FAM118B: variants seen among roughly 807,000 people sequenced by gnomAD.
FAM118B encodes the protein protein FAM118B.
Under a neutral mutation model 38.5 loss-of-function variants are expected in FAM118B, and 24 were observed. The observed-to-expected ratio is 0.62, with a 90% CI of 0.45 to 0.88. The LOEUF is 0.88. FAM118B is among the 40% of genes least tolerant of loss of function. The pLI is 0.00. For missense variants in FAM118B, 334 were observed against 420.0 expected, an observed-to-expected ratio of 0.80 and a Z score of 1.79; for synonymous variants, 138 against 156.3, an observed-to-expected ratio of 0.88 and a Z score of 0.87.
At chr11:126,230,240 C>T (rs1200224709) in intron 2 of FAM118B, among the ~76,000 whole-genome samples, 2 of 152,182 alleles carry the variant, frequency 1.3e-5, no homozygotes, top group Non-Finnish European at 2.9e-5. Flanking sequence ...ACTACCCAAG[C>T]AAAGTCTTTA....
At chr11:126,213,172 G>A (rs767486405) in intron 1 of FAM118B, among the ~76,000 whole-genome samples, 1 of 152,054 alleles carries the variant, frequency 6.6e-6, no homozygotes, top group Non-Finnish European at 1.5e-5. Flanking sequence ...TAGTAAACTC[G>A]ATATCTGTTA....
At chr11:126,227,563 T>C (rs1194692209) in intron 1 of FAM118B, among the ~76,000 whole-genome samples, 1 of 152,238 alleles carries the variant, frequency 6.6e-6, no homozygotes, top group Non-Finnish European at 1.5e-5. Flanking sequence ...TTGTACCTCT[T>C]CATGTTGTAA....
intron 4 of FAM118B, among the ~76,000 whole-genome samples, chr11:126,248,253 G>T (rs1284669841): frequency 4.0e-5 from 6 of 150,486 alleles, no homozygotes; most frequent in Non-Finnish European, 7.4e-5. Context: ...ACATGTGACT[G>T]CTAGATCATA....
chr11:126,249,674 G>C (rs186338505), intron 4 of FAM118B, among the ~76,000 whole-genome samples: 7 of 142,752 alleles, frequency 4.9e-5, no homozygotes, highest in South Asian at 2.4e-4. Flanking sequence ...GGAGGTTGCA[G>C]TGAGCCGAGA....
chr11:126,219,835 C>G (rs998890816), intron 1 of FAM118B, among the ~76,000 whole-genome samples: 2 of 137,926 alleles, frequency 1.5e-5, no homozygotes, highest in Non-Finnish European at 3.1e-5. Context: ...ACATGCACTA[C>G]TGTACTTATT....
In FAM118B at chr11:126,235,029, G is replaced by A. The variant is rs1387395531; in HGVS notation, c.28G>A (p.Asp10Asn). The A allele has an allele frequency of 1.2e-6, 2 of 1,614,100 alleles. No individual in the cohort carries two copies. The highest frequency in any genetic ancestry group is 3.3e-5 in the Admixed American group (2 of 60,016). ...GGCTTCTACAGGGAGCCAGGCCTCT[G>A]ATATAGACGAGATTTTTGGATTCTT... MASTGSQAS[D>N]IDEIFGFFND... Residue 10 changes from aspartate to asparagine, a missense_variant, in exon 3 of 9, where the codon GAT (aspartate) becomes AAT (asparagine). Coordinates refer to ENST00000533050, the MANE Select transcript of FAM118B (RefSeq NM_024556.4).
chr11:126,240,807 C>A lies in FAM118B; in HGVS notation c.102C>A (p.Ser34Arg), dbSNP rs1437077011. 1 of 1,605,308 alleles carries A rather than the reference C, an allele frequency of 6.2e-7. No individual in the cohort carries two copies. The highest frequency in any genetic ancestry group is 1.1e-5 in the South Asian group (1 of 90,078). The change falls in exon 4 of 9, where the codon AGC (serine) becomes AGA (arginine). Residue 34 changes from serine to arginine, a missense_variant. Ser to Arg is a moderately radical substitution (Grantham distance 110). This residue lies in a region of FAM118B where 240 missense variants were observed against 295.9 expected (regional missense o/e 0.81). Coordinates refer to ENST00000533050, the MANE Select transcript of FAM118B (RefSeq NM_024556.4). ...PTKKPRKLLPSLKTKKPRELV... is the reference protein window; with the variant it reads ...PTKKPRKLLPRLKTKKPRELV... The stretch of plus-strand genomic sequence containing the variant: ...GCTTTTATAGGAAGCTGCTTCCAAG[C>A]TTAAAAACTAAGAAGCCTCGAGAAC...
chr11:126,250,038 C>T lies in FAM118B; in HGVS notation c.340-468C>T, dbSNP rs902648651. On this transcript the variant is annotated intron_variant, in intron 4 of 8. Coordinates refer to ENST00000533050, the MANE Select transcript of FAM118B (RefSeq NM_024556.4). This position sits in a 1 kb window ranked among gnomAD's most constrained non-coding sequence, Gnocchi z 5.1. ...ATTGTGCTAAGCACTTGGCATGTAT[C>T]ATCTCATCTTCCTTATTACGTTCGT... Among the ~76,000 whole-genome samples, 1 of 151,852 alleles carries T rather than the reference C, an allele frequency of 6.6e-6. No individual in the cohort carries two copies. Among genetic ancestry groups the T allele is most frequent in the Non-Finnish European group, 1.5e-5 (1 of 67,996 alleles).
intron 4 of FAM118B, among the ~76,000 whole-genome samples, chr11:126,249,689 G>A (rs1020679966): frequency 3.9e-5 from 5 of 128,532 alleles, no homozygotes; most frequent in Admixed American, 2.1e-4. Flanking sequence ...CCGAGATCAC[G>A]CCACTGCACT....
chr11:126,256,992 T>C lies in FAM118B; in HGVS notation c.982+140T>C, dbSNP rs545847719. 1.9e-5 allele frequency: 16 copies of C among 852,254 alleles called. No homozygotes were observed. The African/African-American group carries it at 2.7e-4, about 14-fold the overall frequency. 52.8% of individuals were successfully genotyped at this position (852,254 alleles called of 1,614,324 possible). A position where few individuals can be genotyped will look rare whatever the true frequency, so the allele number is the denominator to read the frequency against. On this transcript the variant is annotated intron_variant, in intron 7 of 8. Coordinates refer to ENST00000533050, the MANE Select transcript of FAM118B (RefSeq NM_024556.4). This position sits in a 1 kb window ranked among gnomAD's most constrained non-coding sequence, Gnocchi z 6.6. ...CAAATTGTAAAGGAGGCCACAGTCT[T>C]CAGGTTAGACTAAAGTGCCACTTGG...
rs775911279 is a variant in FAM118B, at chr11:126,252,219, TCA to T, written c.567+1487_567+1488del. Among the ~76,000 whole-genome samples, 1 of 152,144 alleles carries T rather than the reference TCA, an allele frequency of 6.6e-6. No homozygotes were observed. The highest frequency in any genetic ancestry group is 6.5e-5 in the Admixed American group (1 of 15,276). ...CCAGGCTGGTCTCGAACTCCTGACC[TCA>T]GGTGATCTGCCCACCTTAGCCTCCC... is the stretch of plus-strand genomic sequence containing the variant. On this transcript the variant is annotated intron_variant, in intron 5 of 8. Coordinates refer to ENST00000533050, the MANE Select transcript of FAM118B (RefSeq NM_024556.4). This position sits in a 1 kb window ranked among gnomAD's most constrained non-coding sequence, Gnocchi z 4.7.
At chr11:126,234,887 A>G in intron 2 of FAM118B, 108 bp from the exon 3 acceptor site, 2 of 754,952 alleles carry the variant, frequency 2.6e-6, no homozygotes, top group South Asian at 2.7e-5. Context: ...GCACCTCCAA[A>G]ACACCTTTAA....
chr11:126,232,298 T>C (rs1950216250), intron 2 of FAM118B, among the ~76,000 whole-genome samples: 1 of 152,204 alleles, frequency 6.6e-6, no homozygotes, highest in African/African-American at 2.4e-5. Context: ...AGAGGCACAG[T>C]TGCCATGGTT....
rs77157518 is a variant in FAM118B, at chr11:126,253,199, C to T, written c.568-1106C>T. On this transcript the variant is annotated intron_variant, in intron 5 of 8. Transcript: ENST00000533050. This position sits in a 1 kb window ranked among gnomAD's most constrained non-coding sequence, Gnocchi z 5.1. ...ACATTTGATGTTTTCCTTCTCATTT[C>T]ATCCTTGGGCCTCAAGATTTGCATT... 5.0e-4 allele frequency among the ~76,000 whole-genome samples: 76 copies of T among 152,330 alleles called. No individual in the cohort carries two copies. The East Asian group carries it at 0.013, about 26-fold the overall frequency.
intron 3 of FAM118B, among the ~76,000 whole-genome samples, chr11:126,236,442 A>G (rs917276428): frequency 3.3e-5 from 5 of 152,082 alleles, no homozygotes; most frequent in South Asian, 2.1e-4. Context: ...TTTGTATTGT[A>G]TGACCTCTTT....
At position 126,235,065 on chromosome 11, in the gene FAM118B, G is replaced by A. The variant is rs762408230; in HGVS notation, c.64G>A (p.Glu22Lys). ...GATTTTTGGATTCTTCAACGATGGC[G>A]AACCTCCCACCAAAAAGCCCAGGTA... The part of the protein sequence containing the change: ...DEIFGFFNDG[E>K]PPTKKPRKLL... The change falls in exon 3 of 9, where the codon GAA becomes AAA. Residue 22 changes from glutamate to lysine, a missense_variant. Glu to Lys is a moderately conservative substitution (Grantham distance 56). This residue lies in a region of FAM118B where 240 missense variants were observed against 295.9 expected (regional missense o/e 0.81). Coordinates refer to ENST00000533050, the MANE Select transcript of FAM118B (RefSeq NM_024556.4). 2.5e-5 allele frequency: 41 copies of A among 1,613,900 alleles called. No individual in the cohort carries two copies. Among genetic ancestry groups the A allele is most frequent in the South Asian group, 4.4e-5 (4 of 91,076 alleles).
chr11:126,245,376 T>A (rs981618292), intron 4 of FAM118B: 1 of 152,138 alleles, frequency 6.6e-6, no homozygotes. Flanking sequence ...ACTCAAATTT[T>A]TTTTTCTTTC....
In FAM118B at chr11:126,253,023, A is replaced by C. The variant is rs939021959; in HGVS notation, c.568-1282A>C. Among the ~76,000 whole-genome samples, 2 of 152,232 alleles carry C rather than the reference A, an allele frequency of 1.3e-5. No homozygotes were observed. ...GTGCTCCAATCTGGGCAACAGACCA[A>C]GACTCTGTCTAAAAACAAACAAACA... On this transcript the variant is annotated intron_variant, in intron 5 of 8. Coordinates refer to ENST00000533050, the MANE Select transcript of FAM118B (RefSeq NM_024556.4). The surrounding 1 kb of genome is among the most constrained non-coding windows in gnomAD (Gnocchi z 5.1).
At chr11:126,247,999 T>TAC (rs1471643738) in intron 4 of FAM118B, among the ~76,000 whole-genome samples, 1 of 134,602 alleles carries the variant, frequency 7.4e-6, no homozygotes. Context: ...TATATATATA[T>TAC]ACAAGGCGTG....
Sources: allele counts gnomAD v4.1 joint callset (sites outside exome capture counted in the v4.1 genomes callset), GRCh38; gene constraint gnomAD v4.1.1; regional missense constraint gnomAD v4.1.1; non-coding constraint Gnocchi (gnomAD v3.1); transcripts MANE v1.5; gene names NCBI Gene and HGNC (gene_info 2026-07-23, HGNC 2026-07-21).